Variants in FRMD6 observed in about 807,000 individuals in gnomAD.
The protein encoded by FRMD6 is FERM domain containing 6.
FRMD6 carries 37 observed loss-of-function variants against 73.2 expected under a neutral mutation model. That is an observed-to-expected ratio of 0.51 (90% CI 0.39 to 0.66). The LOEUF (loss-of-function observed/expected upper bound fraction) is 0.66. FRMD6 is among the 30% of genes least tolerant of loss of function. The pLI, the probability that FRMD6 is intolerant of heterozygous loss-of-function variation, is 0.00. For synonymous variants in FRMD6, 273 were observed against 282.2 expected, an observed-to-expected ratio of 0.97 and a Z score of 0.33; for missense variants, 714 against 780.5, an observed-to-expected ratio of 0.91 and a Z score of 1.02.
intron 2 of FRMD6, among the ~76,000 whole-genome samples, chr14:51,625,631 C>T (rs888713731): frequency 2.0e-5 from 3 of 152,166 alleles, no homozygotes; most frequent in East Asian, 1.9e-4. Context: ...TTTCTGCTCC[C>T]GAGCACAAAC....
intron 13 of FRMD6, 134 bp downstream of exon 13, chr14:51,726,004 A>G (rs1212224116): frequency 1.8e-6 from 1 of 564,220 alleles, no homozygotes; most frequent in Non-Finnish European, 3.2e-6. Flanking sequence ...CGTACATTCT[A>G]GCTTTATTCT....
chr14:51,634,296 G>A (rs1891459241), intron 2 of FRMD6, among the ~76,000 whole-genome samples: 1 of 152,122 alleles, frequency 6.6e-6, no homozygotes, highest in African/African-American at 2.4e-5. Context: ...AATAGGGAAG[G>A]AAGGAAAAAA....
the FRMD6 span, among the ~76,000 whole-genome samples, chr14:51,448,651 G>A: frequency 6.6e-6 from 1 of 152,186 alleles, no homozygotes; most frequent in African/African-American, 2.4e-5. Flanking sequence ...GGAACTGGTT[G>A]GCTTGTACTG....
At position 51,704,778 on chromosome 14, in the gene FRMD6, G is replaced by A; in HGVS notation, c.401G>A (p.Trp134Ter). ...SDRAARYYYY[W>*]HLRKQVLHSQ... Reference sequence around the variant, plus strand: ...AGAGCAGCAAGATACTATTATTACTGGCACCTGAGAAAACAAGTTCTTCAT... The same window carrying A: ...AGAGCAGCAAGATACTATTATTACTAGCACCTGAGAAAACAAGTTCTTCAT... Residue 134 changes from tryptophan to a stop codon, truncating the protein, a stop_gained, in exon 6 of 14, where the codon TGG (tryptophan) becomes TAG (stop). Coordinates refer to ENST00000344768, the MANE Select transcript of FRMD6 (RefSeq NM_001267046.2). LOFTEE classifies it high-confidence loss of function. The A allele has an allele frequency of 6.2e-7, 1 of 1,612,618 alleles. No individual in the cohort carries two copies. Among genetic ancestry groups the A allele is most frequent in the Non-Finnish European group, 8.5e-7 (1 of 1,179,248 alleles).
chr14:51,403,625 C>T, the FRMD6 span, among the ~76,000 whole-genome samples: 1 of 152,080 alleles, frequency 6.6e-6, no homozygotes, highest in Admixed American at 6.6e-5. Context: ...TGGTCTTGAA[C>T]TCCTGGGCTC....
rs548847511 is a variant in FRMD6, at chr14:51,627,828, G to C, written c.-147+57418G>C. Among the ~76,000 whole-genome samples the C allele has an allele frequency of 3.9e-5, 6 of 152,308 alleles. No homozygotes were observed. The South Asian group carries it at 8.3e-4, about 21-fold the overall frequency. ...CATCAGAGTCACAGGACAGTGAATA[G>C]TCATCCCTCCATATCCTTGGGGGAT... On this transcript the variant is annotated intron_variant, in intron 2 of 14. Coordinates refer to the FRMD6 transcript ENST00000356218.
chr14:51,577,209 A>T lies in FRMD6; in HGVS notation c.-147+6799A>T, dbSNP rs546381901. 1.9e-3 allele frequency among the ~76,000 whole-genome samples: 294 copies of T among 152,258 alleles called. 2 individuals carry two copies. Among genetic ancestry groups the T allele is most frequent in the African/African-American group, 6.9e-3 (287 of 41,552 alleles). The stretch of plus-strand genomic sequence containing the variant: ...GAAGGGAGTGGGTGGGAAAACATGT[A>T]GCTAAAAAGGGCTTAGGAGCCCTGA... On this transcript the variant is annotated intron_variant, in intron 2 of 14. Transcript: ENST00000356218.
At chr14:51,663,663 G>C (rs541262898) in intron 1 of FRMD6, among the ~76,000 whole-genome samples, 37 of 152,248 alleles carry the variant, frequency 2.4e-4, no homozygotes, top group African/African-American at 8.9e-4. Context: ...TAATACCTGG[G>C]TGACAAAATA....
At chr14:51,444,174 C>T in the FRMD6 span, among the ~76,000 whole-genome samples, 1 of 152,206 alleles carries the variant, frequency 6.6e-6, no homozygotes, top group Non-Finnish European at 1.5e-5. Flanking sequence ...GGTGATCCAC[C>T]CGCCTTGGCC....
the FRMD6 span, among the ~76,000 whole-genome samples, chr14:51,433,462 T>A: frequency 6.6e-6 from 1 of 152,216 alleles, no homozygotes; most frequent in Non-Finnish European, 1.5e-5. Context: ...TAGTATACTA[T>A]GCTTGATGTG....
chr14:51,674,646 C>A (rs1894255876), intron 1 of FRMD6, among the ~76,000 whole-genome samples: 1 of 151,988 alleles, frequency 6.6e-6, no homozygotes, highest in Non-Finnish European at 1.5e-5. Flanking sequence ...AGGTATGGTT[C>A]CATTTTTCAT....
chr14:51,418,989 C>G, the FRMD6 span, among the ~76,000 whole-genome samples: 5 of 152,332 alleles, frequency 3.3e-5, no homozygotes, highest in East Asian at 1.9e-4. Flanking sequence ...CCAAGCCAGG[C>G]ACGGGATATA....
chr14:51,416,958 A>C, the FRMD6 span, among the ~76,000 whole-genome samples: 3 of 151,982 alleles, frequency 2.0e-5, no homozygotes, highest in Admixed American at 2.0e-4. Context: ...CTGTTTTATC[A>C]GAGACTAGTA....
At chr14:51,461,475 T>C in the FRMD6 span, among the ~76,000 whole-genome samples, 1 of 152,236 alleles carries the variant, frequency 6.6e-6, no homozygotes, top group East Asian at 1.9e-4. Flanking sequence ...ATCAGAACTA[T>C]TCAGACATTT....
At chr14:51,663,322 A>G (rs998371885) in intron 1 of FRMD6, among the ~76,000 whole-genome samples, 1 of 152,238 alleles carries the variant, frequency 6.6e-6, no homozygotes, top group Non-Finnish European at 1.5e-5. Context: ...GCATATGTTC[A>G]TTGCTACACT....
intron 13 of FRMD6, among the ~76,000 whole-genome samples, chr14:51,727,132 A>ACACCAAGAACACCCTATATCCTACCCAG (rs1898010731): frequency 1.3e-5 from 2 of 152,070 alleles, no homozygotes; most frequent in Non-Finnish European, 2.9e-5. Context: ...AGCCTCTTCA[A>ACACCAAGAACACCCTATATCCTACCCAG]CACCAAGAAC....
At chr14:51,462,610 T>A in the FRMD6 span, among the ~76,000 whole-genome samples, 2 of 152,192 alleles carry the variant, frequency 1.3e-5, no homozygotes, top group Non-Finnish European at 2.9e-5. Flanking sequence ...TTAGTGTATG[T>A]GTCTCCAGAA....
intron 1 of FRMD6, among the ~76,000 whole-genome samples, chr14:51,551,629 T>TG (rs1010923382): frequency 1.6e-4 from 24 of 152,092 alleles, no homozygotes; most frequent in African/African-American, 5.8e-4. Flanking sequence ...CCCAGCTACT[T>TG]GGGGGGCTGA....
chr14:51,457,050 G>A, the FRMD6 span, among the ~76,000 whole-genome samples: 1 of 152,176 alleles, frequency 6.6e-6, no homozygotes, highest in Non-Finnish European at 1.5e-5. Context: ...TAGGCAGAAG[G>A]AATATATTCT....
Sources: gnomAD v4.1 joint callset for allele counts (sites outside exome capture counted in the v4.1 genomes callset) on GRCh38, gnomAD v4.1.1 for gene constraint, MANE v1.5 for transcripts, NCBI Gene and HGNC (gene_info 2026-07-23, HGNC 2026-07-21) for gene names.